The following PIGW variants were observed in gnomAD, a reference collection of about 807,000 sequenced individuals.
PIGW encodes glucosaminyl-phosphatidylinositol-acyltransferase PIGW.
A neutral mutation model predicts 34.0 loss-of-function variants in PIGW; 23 were observed. That is an observed-to-expected ratio of 0.68 (90% CI 0.49 to 0.96). The LOEUF is 0.96. Among genes scored for constraint, PIGW ranks in the 40% least tolerant of loss-of-function variants. The pLI, the probability that PIGW is intolerant of heterozygous loss-of-function variation, is 0.00. For missense variants in PIGW, 574 were observed against 586.3 expected (o/e 0.98, Z 0.22); for synonymous variants, 225 against 225.2 (o/e 1.00, Z 0.01).
In PIGW at chr17:36,538,437, A is replaced by C. The variant is rs746855667; in HGVS notation, c.1336A>C (p.Arg446=). 24 of 1,614,072 alleles carry C rather than the reference A, an allele frequency of 1.5e-5. No individual in the cohort carries two copies. In the South Asian group the frequency reaches 2.6e-4, roughly 18 times the overall value. Residue 446 remains arginine, a synonymous_variant, in exon 2 of 2, where the codon AGA becomes CGA. Coordinates refer to ENST00000614443, the MANE Select transcript of PIGW (RefSeq NM_001346754.2). ...TCTTTGTTTAATCACAGCTCTAAAC[A>C]GAAAACAGTTAATATTTTTCTTGCT... ...PSLCLITALN[R]KQLIFFLLSN...
In PIGW at chr17:36,537,566, A is replaced by T; in HGVS notation, c.465A>T (p.Arg155Ser). 6.2e-7 allele frequency: 1 copy of T among 1,613,978 alleles called. No individual in the cohort carries two copies. Among genetic ancestry groups the T allele is most frequent in the Non-Finnish European group, 8.5e-7 (1 of 1,180,004 alleles). ...TGGACTTCCCACTTTTTCCCAGAAGATTTGCCAAAACTGAGCTCTATGGGA... is the reference window on the plus strand; with the variant it reads ...TGGACTTCCCACTTTTTCCCAGAAGTTTTGCCAAAACTGAGCTCTATGGGA... ...LAVDFPLFPR[R>S]FAKTELYGTG... Residue 155 changes from arginine (R) to serine (S), a missense_variant, in exon 2 of 2, where the codon AGA (arginine) becomes AGT (serine). By Grantham distance (110) the Arg-to-Ser change is moderately radical. Transcript: ENST00000614443.
chr17:36,537,843 A>G lies in PIGW; in HGVS notation c.742A>G (p.Ile248Val). The G allele has an allele frequency of 1.2e-6, 2 of 1,614,178 alleles. No homozygotes were observed. Among genetic ancestry groups the G allele is most frequent in the East Asian group, 2.2e-5 (1 of 44,892 alleles). Reference sequence around the variant, plus strand: ...CTTTACCATAATAGTTGTGAAATTGATAACACCACTGCTGTTGATTATTTT... The same window carrying G: ...CTTTACCATAATAGTTGTGAAATTGGTAACACCACTGCTGTTGATTATTTT... ...FFFTIIVVKL[I>V]TPLLLIIFPL... Residue 248 changes from isoleucine (I) to valine (V), a missense_variant, in exon 2 of 2, where the codon ATA becomes GTA. Physicochemically the swap from Ile to Val is conservative, Grantham distance 29 (BLOSUM62 3). Coordinates refer to ENST00000614443, the MANE Select transcript of PIGW (RefSeq NM_001346754.2).
At position 36,537,346 on chromosome 17, in the gene PIGW, A is replaced by C; in HGVS notation, c.245A>C (p.Glu82Ala). The change falls in exon 2 of 2, where the codon GAG becomes GCG. Residue 82 changes from glutamate (E) to alanine (A), a missense_variant. Transcript: ENST00000614443. The part of the protein sequence containing the change: ...LTIWASFILL[E>A]LLGVIIFGAG... ...ATTTGGGCTTCATTTATCCTCCTTG[A>C]GCTTCTCGGTGTAATTATCTTTGGG... 1 of 1,612,692 alleles carries C rather than the reference A, an allele frequency of 6.2e-7. No individual in the cohort carries two copies. Among genetic ancestry groups the C allele is most frequent in the South Asian group, 1.1e-5 (1 of 91,010 alleles).
In PIGW at chr17:36,538,075, A is replaced by G; in HGVS notation, c.974A>G (p.Tyr325Cys). 6.2e-7 allele frequency: 1 copy of G among 1,614,204 alleles called. No homozygotes were observed. Among genetic ancestry groups the G allele is most frequent in the Non-Finnish European group, 8.5e-7 (1 of 1,180,034 alleles). ...ATGGCTGGTGTGCAAACAGGGTTAT[A>G]TATGCATAAGAACCGATCACATATC... ...IHMAGVQTGL[Y>C]MHKNRSHIKD... The change falls in exon 2 of 2, where the codon TAT (tyrosine) becomes TGT (cysteine). Residue 325 changes from tyrosine (Y) to cysteine (C), a missense_variant. Physicochemically the swap from Tyr to Cys is radical, Grantham distance 194 (BLOSUM62 -2). Coordinates refer to ENST00000614443, the MANE Select transcript of PIGW (RefSeq NM_001346754.2).
In PIGW at chr17:36,538,033, G is replaced by A; in HGVS notation, c.932G>A (p.Gly311Glu). ...ANREGIISTLGYVAIHMAGVQ... is the reference protein window; with the variant it reads ...ANREGIISTLEYVAIHMAGVQ... ...CGCGAAGGAATAATCTCTACCCTGG[G>A]GTATGTGGCAATACACATGGCTGGT... Residue 311 changes from glycine (G) to glutamate (E), a missense_variant, in exon 2 of 2, where the codon GGG (glycine) becomes GAG (glutamate). Physicochemically the swap from Gly to Glu is moderately conservative, Grantham distance 98 (BLOSUM62 -2). Transcript: ENST00000614443. 6.2e-7 allele frequency: 1 copy of A among 1,614,034 alleles called. No homozygotes were observed. Among genetic ancestry groups the A allele is most frequent in the Non-Finnish European group, 8.5e-7 (1 of 1,180,034 alleles).
At position 36,537,926 on chromosome 17, in the gene PIGW, C is replaced by T. The variant is rs1225527541; in HGVS notation, c.825C>T (p.Ala275=). 6.2e-7 allele frequency: 1 copy of T among 1,613,952 alleles called. No individual in the cohort carries two copies. The highest frequency in any genetic ancestry group is 8.5e-7 in the Non-Finnish European group (1 of 1,180,030). ...ALGITVLYQL[A]LDFTSLKRLI... Reference sequence around the variant, plus strand: ...GCATTACTGTATTATACCAGCTAGCCCTTGACTTTACCTCACTGAAGAGGT... The same window carrying T: ...GCATTACTGTATTATACCAGCTAGCTCTTGACTTTACCTCACTGAAGAGGT... Residue 275 remains alanine, a synonymous_variant, in exon 2 of 2, where the codon GCC becomes GCT. Coordinates refer to ENST00000614443, the MANE Select transcript of PIGW (RefSeq NM_001346754.2).
At position 36,539,076 on chromosome 17, in the gene PIGW, T is replaced by C. The variant is rs932343361; in HGVS notation, c.*460T>C. ...GGCCAATGCTTAATATTTTAATGTA[T>C]CTCAACAATAAAACCAAGAAGAAAC... On this transcript the variant is annotated 3_prime_UTR_variant, in exon 2 of 2. Coordinates refer to ENST00000614443, the MANE Select transcript of PIGW (RefSeq NM_001346754.2). 6.0e-6 allele frequency: 1 copy of C among 167,638 alleles called. No homozygotes were observed. Among genetic ancestry groups the C allele is most frequent in the Non-Finnish European group, 1.5e-5 (1 of 68,610 alleles). 10.4% of individuals were successfully genotyped at this position (167,638 alleles called of 1,614,324 possible).
chr17:36,539,283 A>G lies in PIGW; in HGVS notation c.*667A>G, dbSNP rs537416285. The stretch of plus-strand genomic sequence containing the variant: ...ACAATAAATATAAAATGAAATGTTT[A>G]TGTTGACATTTCAGTGTGAACTGTG... On this transcript the variant is annotated 3_prime_UTR_variant, in exon 2 of 2. Coordinates refer to ENST00000614443, the MANE Select transcript of PIGW (RefSeq NM_001346754.2). 6.0e-6 allele frequency: 1 copy of G among 167,182 alleles called. No homozygotes were observed. Among genetic ancestry groups the G allele is most frequent in the African/African-American group, 2.4e-5 (1 of 41,586 alleles). The allele number at this position is 167,182 out of a possible 1,614,324, so 10.4% of individuals were successfully genotyped here.
Position 36,537,985 on chromosome 17 carries a change from G to A in PIGW, c.884G>A (p.Arg295Gln), listed in dbSNP as rs779287577. ...TATGGCACTGATGGTAGTGGCACAC[G>A]GGTTGGTCTATTAAATGCCAACCGC... Reference protein sequence around the residue: ...ILYGTDGSGTRVGLLNANREG... With the variant: ...ILYGTDGSGTQVGLLNANREG... Residue 295 changes from arginine (R) to glutamine (Q), a missense_variant, in exon 2 of 2, where the codon CGG becomes CAG. Coordinates refer to ENST00000614443, the MANE Select transcript of PIGW (RefSeq NM_001346754.2). The A allele has an allele frequency of 5.6e-6, 9 of 1,613,866 alleles. No individual in the cohort carries two copies. Among genetic ancestry groups the A allele is most frequent in the South Asian group, 2.2e-5 (2 of 91,084 alleles).
chr17:36,537,747 C>G lies in PIGW; in HGVS notation c.646C>G (p.Arg216Gly). Residue 216 changes from arginine to glycine, a missense_variant, in exon 2 of 2, where the codon CGA (arginine) becomes GGA (glycine). Transcript: ENST00000614443. The part of the protein sequence containing the change: ...VWPLVFLGIG[R>G]LAIIKSIGYQ... ...GCCATTAGTCTTCCTAGGAATCGGA[C>G]GATTAGCCATTATAAAATCAATAGG... 1.2e-6 allele frequency: 2 copies of G among 1,614,044 alleles called. No individual in the cohort carries two copies. Among genetic ancestry groups the G allele is most frequent in the Non-Finnish European group, 8.5e-7 (1 of 1,179,998 alleles).
chr17:36,535,702 G>A (rs1259379440), intron 1 of PIGW, 110 bp downstream of exon 1: 1 of 152,294 alleles, frequency 6.6e-6, no homozygotes, highest in Non-Finnish European at 1.5e-5. Flanking sequence ...CTGTCGCCCA[G>A]GTAGGAGTGC....
At chr17:36,535,670 T>G (rs2074096042) in intron 1 of PIGW, 78 bp downstream of exon 1, 1 of 152,324 alleles carries the variant, frequency 6.6e-6, no homozygotes, top group African/African-American at 2.4e-5. Flanking sequence ...TATGTTTATT[T>G]TTTAAGAGAC....
At position 36,537,515 on chromosome 17, in the gene PIGW, G is replaced by A. The variant is rs766527600; in HGVS notation, c.414G>A (p.Ala138=). The A allele has an allele frequency of 9.3e-6, 15 of 1,613,982 alleles. No individual in the cohort carries two copies. The African/African-American group carries it at 1.1e-4, about 11-fold the overall frequency. The change falls in exon 2 of 2, where the codon GCG becomes GCA. Residue 138 remains alanine (A), a synonymous_variant. Coordinates refer to ENST00000614443, the MANE Select transcript of PIGW (RefSeq NM_001346754.2). The part of the protein sequence containing the change: ...AISCFRVITS[A]FTAIAILAVD... ...CCTGTTTCCGTGTAATTACCAGTGCGTTTACTGCTATTGCTATTTTGGCTG... is the reference window on the plus strand; with the variant it reads ...CCTGTTTCCGTGTAATTACCAGTGCATTTACTGCTATTGCTATTTTGGCTG...
rs1367774428 is a variant in PIGW, at chr17:36,538,443, C to A, written c.1342C>A (p.Gln448Lys). Residue 448 changes from glutamine to lysine, a missense_variant, in exon 2 of 2, where the codon CAG (glutamine) becomes AAG (lysine). Coordinates refer to ENST00000614443, the MANE Select transcript of PIGW (RefSeq NM_001346754.2). Reference protein sequence around the residue: ...LCLITALNRKQLIFFLLSNIT... With the variant: ...LCLITALNRKKLIFFLLSNIT... ...TTTAATCACAGCTCTAAACAGAAAA[C>A]AGTTAATATTTTTCTTGCTGTCAAA... 6.2e-7 allele frequency: 1 copy of A among 1,614,112 alleles called. No individual in the cohort carries two copies. The highest frequency in any genetic ancestry group is 1.7e-5 in the Admixed American group (1 of 60,024).
At position 36,538,548 on chromosome 17, in the gene PIGW, T is replaced by C. The variant is rs751256009; in HGVS notation, c.1447T>C (p.Tyr483His). Residue 483 changes from tyrosine (Y) to histidine (H), a missense_variant, in exon 2 of 2, where the codon TAT becomes CAT. By Grantham distance (83) the Tyr-to-His change is moderately conservative. Transcript: ENST00000614443. The part of the protein sequence containing the change: ...TLWALFVVNL[Y>H]MFSNCLIVYV... The stretch of plus-strand genomic sequence containing the variant: ...GTGGGCCTTATTTGTGGTCAATCTC[T>C]ATATGTTTTCCAACTGTTTAATTGT... The C allele has an allele frequency of 3.1e-6, 5 of 1,613,542 alleles. No individual in the cohort carries two copies. Among genetic ancestry groups the C allele is most frequent in the Non-Finnish European group, 4.2e-6 (5 of 1,179,592 alleles).
rs1253849400 is a variant in PIGW at position 36,537,189 on chromosome 17, G to T, written c.88G>T (p.Ala30Ser). ...AATCACCCAGGGATTGTGCTTTCCT[G>T]CATTCTGTATCCTGTGCAGAGGGTT... ...LEITQGLCFP[A>S]FCILCRGFLI... Residue 30 changes from alanine (A) to serine (S), a missense_variant, in exon 2 of 2, where the codon GCA becomes TCA. Physicochemically the swap from Ala to Ser is moderately conservative, Grantham distance 99. Coordinates refer to ENST00000614443, the MANE Select transcript of PIGW (RefSeq NM_001346754.2). 2 of 1,614,152 alleles carry T rather than the reference G, an allele frequency of 1.2e-6. No homozygotes were observed. The highest frequency in any genetic ancestry group is 2.2e-5 in the South Asian group (2 of 91,078).
chr17:36,536,578 T>C (rs1039038371), intron 1 of PIGW, among the ~76,000 whole-genome samples: 4 of 142,620 alleles, frequency 2.8e-5, no homozygotes, highest in Admixed American at 7.8e-5. Context: ...CAGGCTGGAG[T>C]GCAATGGCTC....
chr17:36,538,143 A>G lies in PIGW; in HGVS notation c.1042A>G (p.Ile348Val), dbSNP rs754301297. The change falls in exon 2 of 2, where the codon ATT becomes GTT. Residue 348 changes from isoleucine to valine, a missense_variant. Transcript: ENST00000614443. ...KVACFLLLAA[I>V]SLFISLYVVQ... ...AGCCTGTTTTCTTTTACTGGCAGCT[A>G]TTAGCCTCTTCATATCTCTTTACGT... 6.2e-7 allele frequency: 1 copy of G among 1,614,150 alleles called. No homozygotes were observed. Among genetic ancestry groups the G allele is most frequent in the Non-Finnish European group, 8.5e-7 (1 of 1,180,020 alleles).
chr17:36,538,277 T>C lies in PIGW; in HGVS notation c.1176T>C (p.Asp392=). Residue 392 remains aspartate (D), a synonymous_variant, in exon 2 of 2, where the codon GAT becomes GAC. Transcript: ENST00000614443. The part of the protein sequence containing the change: ...LILLSSLLLG[D]IILSFAKFLI... ...TTCTTAGTAGTTTATTACTGGGTGA[T>C]ATAATTTTGAGTTTTGCCAAATTTC... The C allele has an allele frequency of 6.2e-7, 1 of 1,613,428 alleles. No homozygotes were observed. The highest frequency in any genetic ancestry group is 8.5e-7 in the Non-Finnish European group (1 of 1,179,898).
Sources: allele counts gnomAD v4.1 joint callset (sites outside exome capture counted in the v4.1 genomes callset), GRCh38; gene constraint gnomAD v4.1.1; transcripts MANE v1.5; gene names NCBI Gene and HGNC (gene_info 2026-07-23, HGNC 2026-07-21).